The following SLC12A2 variants were observed in gnomAD, a reference collection of about 807,000 sequenced individuals.
SLC12A2 encodes the protein solute carrier family 12 member 2, also known as Na-K-2Cl cotransporter 1.
In SLC12A2, 67 loss-of-function variants were observed where a neutral mutation model predicts 136.3. That is an observed-to-expected ratio of 0.49 (90% CI 0.40 to 0.60). The LOEUF (loss-of-function observed/expected upper bound fraction) is 0.60, where lower values mean the gene tolerates loss of function less well. Ranked by LOEUF, SLC12A2 falls within the 20% of genes least tolerant of loss-of-function variation. SLC12A2 has a pLI of 0.00. For synonymous variants in SLC12A2, 619 were observed against 562.9 expected, an observed-to-expected ratio of 1.10 and a Z score of -1.41; for missense variants, 1,322 against 1,534.7, an observed-to-expected ratio of 0.86 and a Z score of 2.32.
At chr5:128,136,499 A>G (rs1561680356) in intron 7 of SLC12A2, among the ~76,000 whole-genome samples, 1 of 152,124 alleles carries the variant, frequency 6.6e-6, no homozygotes, top group East Asian at 1.9e-4. Context: ...GAGACTGTTC[A>G]TAGCCCTGTC....
chr5:128,111,493 C>T (rs952544889), intron 1 of SLC12A2, among the ~76,000 whole-genome samples: 2 of 152,016 alleles, frequency 1.3e-5, no homozygotes, highest in South Asian at 2.1e-4. Context: ...AGGCTGGGCA[C>T]GGTGGCTCAC....
intron 4 of SLC12A2, among the ~76,000 whole-genome samples, chr5:128,121,056 A>G (rs1240230056): frequency 6.6e-6 from 1 of 152,088 alleles, no homozygotes; most frequent in Non-Finnish European, 1.5e-5. Context: ...AGTGTTATGT[A>G]CATTTTGCCA....
At chr5:128,099,204 A>G (rs1760655413) in intron 1 of SLC12A2, among the ~76,000 whole-genome samples, 1 of 152,178 alleles carries the variant, frequency 6.6e-6, no homozygotes. Flanking sequence ...ATATTCCACT[A>G]CACACCTAGG....
rs974918066 is a variant in SLC12A2, at chr5:128,084,865, G to C, written c.756+155G>C. ...TTCAGCTGTCAAGGGTGGAATTGCC[G>C]AGGAATGTTAACTTAATCTCTCAAA... is the stretch of plus-strand genomic sequence containing the variant. On this transcript the variant is annotated intron_variant, in intron 1 of 26. Transcript: ENST00000262461. The surrounding 1 kb of genome is among the most constrained non-coding windows in gnomAD (Gnocchi z 5.6). Among the ~76,000 whole-genome samples the C allele has an allele frequency of 4.6e-5, 7 of 151,782 alleles. No individual in the cohort carries two copies. The highest frequency in any genetic ancestry group is 1.7e-4 in the African/African-American group (7 of 41,248).
intron 18 of SLC12A2, 40 bp downstream of exon 18, chr5:128,167,907 A>G (rs1442796951): frequency 8.2e-7 from 1 of 1,223,694 alleles, no homozygotes. Context: ...TTCATTTAGA[A>G]AATGTTAATT....
At chr5:128,088,007 C>CTGTGTGTGTGTGTGTG (rs58191870) in intron 1 of SLC12A2, among the ~76,000 whole-genome samples, 19,030 of 140,056 alleles carry the variant, frequency 0.14, 1,407 homozygotes, top group Middle Eastern at 0.19. Flanking sequence ...GGAGGAGGCT[C>CTGTGTGTGTGTGTGTG]TGTGTGTGTG....
At chr5:128,121,960 T>TTG (rs1363750934) in intron 4 of SLC12A2, among the ~76,000 whole-genome samples, 5 of 152,218 alleles carry the variant, frequency 3.3e-5, no homozygotes, top group African/African-American at 1.2e-4. Flanking sequence ...CAGACCAGAG[T>TTG]TGTCCCATCT....
chr5:128,136,795 G>A (rs1033335225), intron 7 of SLC12A2, among the ~76,000 whole-genome samples: 1 of 152,058 alleles, frequency 6.6e-6, no homozygotes, highest in Non-Finnish European at 1.5e-5. Flanking sequence ...CCCTTGGGTG[G>A]TGTGTATTCT....
At chr5:128,166,772 TGAA>T (rs1387698868) in intron 17 of SLC12A2, among the ~76,000 whole-genome samples, 1 of 152,126 alleles carries the variant, frequency 6.6e-6, no homozygotes, top group Admixed American at 6.5e-5. Flanking sequence ...TTAATACTAT[TGAA>T]TTGTACACTT....
intron 1 of SLC12A2, among the ~76,000 whole-genome samples, chr5:128,087,908 A>AC (rs1159960308): frequency 6.6e-6 from 1 of 151,886 alleles, no homozygotes; most frequent in Non-Finnish European, 1.5e-5. Flanking sequence ...TGGAGGAGGA[A>AC]TAGATTTGGT....
Position 128,174,662 on chromosome 5 carries a change from C to T in SLC12A2, c.2925C>T (p.His975=). ...SKPLSEKPIT[H]KVEEEDGKTA... ...CACTCAGTGAAAAACCAATTACACA[C>T]AAAGGTAATTTTCATTCAAACAATA... Residue 975 remains histidine, a synonymous_variant, in exon 20 of 27, where the codon CAC becomes CAT. Coordinates refer to ENST00000262461, the MANE Select transcript of SLC12A2 (RefSeq NM_001046.3). 1.9e-6 allele frequency: 3 copies of T among 1,585,080 alleles called. No individual in the cohort carries two copies. Among genetic ancestry groups the T allele is most frequent in the Non-Finnish European group, 2.6e-6 (3 of 1,168,340 alleles).
chr5:128,084,359 C>G lies in SLC12A2; in HGVS notation c.405C>G (p.Ala135=), dbSNP rs771830222. 7 of 1,599,062 alleles carry G rather than the reference C, an allele frequency of 4.4e-6. No homozygotes were observed. The Admixed American group carries it at 1.2e-4, about 27-fold the overall frequency. ...ESEPAKGSEE[A]KGRFRVNFVD... The stretch of plus-strand genomic sequence containing the variant: ...AGCCGGCTAAAGGCAGCGAGGAAGC[C>G]AAGGGCCGCTTCCGCGTGAACTTCG... The change falls in exon 1 of 27, where the codon GCC becomes GCG. Residue 135 remains alanine (A), a synonymous_variant. Transcript: ENST00000262461. This position sits in a 1 kb window ranked among gnomAD's most constrained non-coding sequence, Gnocchi z 5.6.
chr5:128,183,039 T>A, intron 24 of SLC12A2, 98 bp downstream of exon 24: 1 of 682,936 alleles, frequency 1.5e-6, no homozygotes, highest in Non-Finnish European at 2.5e-6. Context: ...CTGTTGTTAG[T>A]TACATGTGAA....
intron 22 of SLC12A2, among the ~76,000 whole-genome samples, chr5:128,179,119 T>C (rs1259538645): frequency 6.6e-6 from 1 of 152,190 alleles, no homozygotes; most frequent in Non-Finnish European, 1.5e-5. Flanking sequence ...GAGTAATATA[T>C]GATTTTCACC....
chr5:128,179,814 A>AG (rs956019621), intron 22 of SLC12A2, among the ~76,000 whole-genome samples: 9 of 152,066 alleles, frequency 5.9e-5, no homozygotes, highest in Non-Finnish European at 1.3e-4. Context: ...AGATTTGGGT[A>AG]GGGGCTGATA....
intron 10 of SLC12A2, among the ~76,000 whole-genome samples, chr5:128,145,784 A>G (rs537398913): frequency 6.6e-6 from 1 of 152,136 alleles, no homozygotes; most frequent in Admixed American, 6.6e-5. Flanking sequence ...TTGTTTAAAC[A>G]ATTAAATTTT....
At chr5:128,147,559 A>T in intron 10 of SLC12A2, 63 bp from the exon 11 acceptor site, 1 of 1,020,544 alleles carries the variant, frequency 9.8e-7, no homozygotes, top group Non-Finnish European at 1.5e-6. Flanking sequence ...ACCACATAAT[A>T]TTGTGTTATT....
At chr5:128,092,031 A>G (rs1252764545) in intron 1 of SLC12A2, among the ~76,000 whole-genome samples, 6 of 152,282 alleles carry the variant, frequency 3.9e-5, no homozygotes, top group Admixed American at 6.5e-5. Flanking sequence ...AAGGGAGCGT[A>G]GGTGGTTTGG....
At position 128,141,794 on chromosome 5, in the gene SLC12A2, T is replaced by C. The variant is rs750609699; in HGVS notation, c.1622-36T>C. ...TAAAATTCTGAAATGAATGTAGATA[T>C]TAACTATATTATTCTTGTTGTCACT... On this transcript the variant is annotated intron_variant, in intron 9 of 26. Transcript: ENST00000262461. 40 of 1,564,590 alleles carry C rather than the reference T, an allele frequency of 2.6e-5. No individual in the cohort carries two copies. The Middle Eastern group carries it at 8.5e-4, about 33-fold the overall frequency.
Sources: allele counts gnomAD v4.1 joint callset (sites outside exome capture counted in the v4.1 genomes callset), GRCh38; gene constraint gnomAD v4.1.1; non-coding constraint Gnocchi (gnomAD v3.1); transcripts MANE v1.5; gene names NCBI Gene and HGNC (gene_info 2026-07-23, HGNC 2026-07-21).